The following DST variants were observed in gnomAD, a reference collection of about 807,000 sequenced individuals.
DST encodes the protein bullous pemphigoid antigen.
A neutral mutation model predicts 875.2 loss-of-function variants in DST; 253 were observed. The ratio of observed to expected loss-of-function variants is 0.29; its 90% CI spans 0.26 to 0.32. DST has a LOEUF of 0.32. Among genes scored for constraint, DST ranks in the 10% least tolerant of loss-of-function variants. The probability of loss-of-function intolerance (pLI) is 1.00; values close to 1 mark genes in which losing one functional copy is unlikely to be tolerated. For synonymous variants in DST, 3,124 were observed against 3,197.1 expected, an observed-to-expected ratio of 0.98 and a Z score of 0.77; for missense variants, 8,287 against 9,111.6, an observed-to-expected ratio of 0.91 and a Z score of 3.68.
chr6:56,617,401 C>G, intron 36 of DST: 1 of 1,613,230 alleles, frequency 6.2e-7, no homozygotes, highest in Non-Finnish European at 8.5e-7. Context: ...GCATATCATA[C>G]TGCTTGTTCT....
intron 2 of DST, among the ~76,000 whole-genome samples, chr6:56,928,136 A>G (rs1201198859): frequency 6.6e-6 from 1 of 152,144 alleles, no homozygotes; most frequent in Non-Finnish European, 1.5e-5. Context: ...TACAAGGCGG[A>G]GTGATGAGGC....
chr6:56,525,365 C>T (rs905704221), intron 69 of DST, among the ~76,000 whole-genome samples: 5 of 152,144 alleles, frequency 3.3e-5, no homozygotes, highest in Non-Finnish European at 5.9e-5. Context: ...GCATGAATGC[C>T]CTCCTTCACA....
intron 61 of DST, among the ~76,000 whole-genome samples, chr6:56,550,626 T>G (rs1357325409): frequency 6.6e-6 from 1 of 152,228 alleles, no homozygotes; most frequent in African/African-American, 2.4e-5. Context: ...TATTATTACT[T>G]TGTCCATTGT....
chr6:56,604,132 T>C lies in DST; in HGVS notation c.10496A>G (p.Asp3499Gly), dbSNP rs758627748. 25 of 1,582,046 alleles carry C rather than the reference T, an allele frequency of 1.6e-5. No individual in the cohort carries two copies. In the South Asian group the frequency reaches 2.2e-4, roughly 14 times the overall value. ...ATGTTCTATTTTCTCTGAATATCCA[T>C]CAGCAAGCAGTTTGTAGAAAATATT... ...LENIFYKLLA[D>G]GYSEKIEHVG... Residue 3499 changes from aspartate to glycine, a missense_variant, in exon 40 of 104, where the codon GAT becomes GGT. By Grantham distance (94) the Asp-to-Gly change is moderately conservative (BLOSUM62 -1). Around this residue, in one of 10 missense-constraint regions of DST, gnomAD observed 3,138 missense variants for 3,116.6 expected, o/e 1.01. Coordinates refer to ENST00000680361, the MANE Select transcript of DST (RefSeq NM_001374736.1).
At chr6:56,880,015 A>G (rs536525916) in intron 3 of DST, among the ~76,000 whole-genome samples, 2 of 152,366 alleles carry the variant, frequency 1.3e-5, no homozygotes, top group East Asian at 3.9e-4. Context: ...TAAAATTTCT[A>G]TTCCCACAAT....
chr6:56,482,201 A>ACACACACACACACACACACACACC (rs1562273916), intron 89 of DST, 23 bp from the exon 90 acceptor site: 11 of 1,587,808 alleles, frequency 6.9e-6, no homozygotes, highest in Admixed American at 1.7e-5. Context: ...ACACACACAC[A>ACACACACACACACACACACACACC]CCCCAAACAA....
intron 51 of DST, 33 bp from the exon 52 acceptor site, chr6:56,573,097 T>C: frequency 6.9e-7 from 1 of 1,454,890 alleles, no homozygotes; most frequent in African/African-American, 1.4e-5. Flanking sequence ...TATCTTTTAT[T>C]ATGATGCTTA....
In DST at chr6:56,463,104, T is replaced by C. The variant is rs781451418; in HGVS notation, c.23012A>G (p.Lys7671Arg). 3 of 1,613,836 alleles carry C rather than the reference T, an allele frequency of 1.9e-6. No homozygotes were observed. The highest frequency in any genetic ancestry group is 2.2e-5 in the South Asian group (2 of 91,064). The change falls in exon 102 of 104, where the codon AAA (lysine) becomes AGA (arginine). Residue 7671 changes from lysine (K) to arginine (R), a missense_variant. This residue lies in a region of DST where 240 missense variants were observed against 237.3 expected (regional missense o/e 1.01). Coordinates refer to ENST00000680361, the MANE Select transcript of DST (RefSeq NM_001374736.1). ...TGCTGCTTTACAAGGAGTTGACATT[T>C]TGCTGTTTGTCAACCATGGTTTACC... is the stretch of plus-strand genomic sequence containing the variant. ...NYGKPWLTNS[K>R]MSTPCKAAEC...
intron 9 of DST, among the ~76,000 whole-genome samples, chr6:56,695,368 C>A (rs2099258006): frequency 6.6e-6 from 1 of 151,732 alleles, no homozygotes; most frequent in Admixed American, 6.6e-5. Flanking sequence ...AACTACTCAG[C>A]CTCAGGTATG....
chr6:56,685,093 T>C (rs2099175380), intron 9 of DST, among the ~76,000 whole-genome samples: 1 of 151,252 alleles, frequency 6.6e-6, no homozygotes, highest in Non-Finnish European at 1.5e-5. Flanking sequence ...AATGTATCTG[T>C]ACTAGTGAAG....
At chr6:56,503,333 C>T (rs1349545617) in intron 78 of DST, among the ~76,000 whole-genome samples, 1 of 151,768 alleles carries the variant, frequency 6.6e-6, no homozygotes, top group African/African-American at 2.4e-5. Flanking sequence ...TGATGGGTAC[C>T]TCCATTTTCC....
At chr6:56,715,618 A>G (rs2099392024) in intron 5 of DST, among the ~76,000 whole-genome samples, 2 of 152,352 alleles carry the variant, frequency 1.3e-5, no homozygotes, top group East Asian at 3.9e-4. Flanking sequence ...TCTAGCAGTT[A>G]CATCAAATAG....
chr6:56,833,999 A>C (rs1018245162), intron 4 of DST, among the ~76,000 whole-genome samples: 15 of 152,092 alleles, frequency 9.9e-5, no homozygotes, highest in Non-Finnish European at 2.1e-4. Context: ...AAGCCAAGGC[A>C]GGAGGATCAC....
intron 3 of DST, among the ~76,000 whole-genome samples, chr6:56,879,168 CATTTATCTTA>C (rs1780843900): frequency 6.6e-6 from 1 of 152,144 alleles, no homozygotes; most frequent in African/African-American, 2.4e-5. Flanking sequence ...TATCTTACTG[CATTTATCTTA>C]ATAGTTCCGG....
At chr6:56,513,858 T>G (rs1188355472) in intron 72 of DST, among the ~76,000 whole-genome samples, 1 of 152,226 alleles carries the variant, frequency 6.6e-6, no homozygotes, top group African/African-American at 2.4e-5. Flanking sequence ...TGGTGTGACT[T>G]GATATCTATC....
intron 3 of DST, among the ~76,000 whole-genome samples, chr6:56,893,605 A>AT (rs1789045571): frequency 1.6e-5 from 1 of 63,404 alleles, no homozygotes; most frequent in Admixed American, 1.5e-4. Flanking sequence ...TTTATTTTTT[A>AT]TTTTTTATTT....
At position 56,492,300 on chromosome 6, in the gene DST, C is replaced by A. The variant is rs371273718; in HGVS notation, c.20684G>T (p.Arg6895Leu). The A allele has an allele frequency of 2.4e-5, 39 of 1,613,728 alleles. No individual in the cohort carries two copies. The highest frequency in any genetic ancestry group is 3.3e-5 in the South Asian group (3 of 91,074). Residue 6895 changes from arginine to leucine, a missense_variant, in exon 85 of 104, where the codon CGA (arginine) becomes CTA (leucine). This residue lies in a region of DST where 1,292 missense variants were observed against 1,552.7 expected (regional missense o/e 0.83). Transcript: ENST00000680361. Reference sequence around the variant, plus strand: ...CAACCGTTGAACCACTTTTTCCCATCGACTTTGTACACTGATAAGTAGATT... The same window carrying A: ...CAACCGTTGAACCACTTTTTCCCATAGACTTTGTACACTGATAAGTAGATT... The part of the protein sequence containing the change: ...IKNLLISVQS[R>L]WEKVVQRLVE...
chr6:56,802,543 T>C (rs1489492277), intron 4 of DST, among the ~76,000 whole-genome samples: 2 of 152,148 alleles, frequency 1.3e-5, no homozygotes, highest in Non-Finnish European at 2.9e-5. Flanking sequence ...ATATCAAATA[T>C]TGACTCCTAA....
chr6:56,938,096 CTCTCTCTCTCTCTATATA>C (rs943713980), intron 2 of DST, among the ~76,000 whole-genome samples: 5 of 25,572 alleles, frequency 2.0e-4, no homozygotes, highest in Non-Finnish European at 3.4e-4. Context: ...CTCTCTCTCT[CTCTCTCTCTCTCTATATA>C]TATATATATA....
Sources: allele counts gnomAD v4.1 joint callset (sites outside exome capture counted in the v4.1 genomes callset), GRCh38; gene constraint gnomAD v4.1.1; regional missense constraint gnomAD v4.1.1; transcripts MANE v1.5; gene names NCBI Gene and HGNC (gene_info 2026-07-23, HGNC 2026-07-21).